The following LRRC4B variants were observed in gnomAD, a reference collection of about 807,000 sequenced individuals.
LRRC4B encodes leucine rich repeat containing 4B.
In LRRC4B, 1 loss-of-function variant was observed where a neutral mutation model predicts 7.3. The ratio of observed to expected loss-of-function variants is 0.14; its 90% CI spans 0.05 to 0.65. LRRC4B has a LOEUF of 0.65. Among genes scored for constraint, LRRC4B ranks in the 30% least tolerant of loss-of-function variants. The pLI, the probability that LRRC4B is intolerant of heterozygous loss-of-function variation, is 0.84. For missense variants in LRRC4B, 730 were observed against 1,041.6 expected (o/e 0.70, Z 4.12); for synonymous variants, 500 against 499.2 (o/e 1.00, Z -0.02).
intron 2 of LRRC4B, among the ~76,000 whole-genome samples, chr19:50,535,859 C>T (rs1382549977): frequency 1.3e-5 from 2 of 152,242 alleles, no homozygotes; most frequent in Non-Finnish European, 2.9e-5. Flanking sequence ...ACCCGCCTCC[C>T]ACCCTTCCCC....
At chr19:50,534,672 A>G (rs1301773962) in intron 2 of LRRC4B, among the ~76,000 whole-genome samples, 1 of 152,118 alleles carries the variant, frequency 6.6e-6, no homozygotes, top group African/African-American at 2.4e-5. Context: ...CTTTCCTTTT[A>G]TCCTGCAACT....
intron 2 of LRRC4B, among the ~76,000 whole-genome samples, chr19:50,526,644 A>T (rs2122797435): frequency 6.6e-6 from 1 of 152,344 alleles, no homozygotes; most frequent in Admixed American, 6.5e-5. Flanking sequence ...GGAGTTCCAG[A>T]CTAGCCTAGG....
intron 1 of LRRC4B, among the ~76,000 whole-genome samples, chr19:50,559,098 G>A (rs1399582063): frequency 6.6e-6 from 1 of 152,054 alleles, no homozygotes; most frequent in Non-Finnish European, 1.5e-5. Flanking sequence ...GGTAGGCTTT[G>A]AGATAAAAAC....
intron 2 of LRRC4B, among the ~76,000 whole-genome samples, chr19:50,543,900 G>A (rs1244476171): frequency 1.3e-5 from 2 of 151,030 alleles, no homozygotes; most frequent in Non-Finnish European, 2.9e-5. Context: ...GAAAAAGAAG[G>A]GCCTGGTTAA....
intron 2 of LRRC4B, among the ~76,000 whole-genome samples, chr19:50,530,741 G>A (rs1161467913): frequency 7.0e-6 from 1 of 143,792 alleles, no homozygotes; most frequent in Non-Finnish European, 1.5e-5. Context: ...CTCCTTTTTT[G>A]TTTTTTTTTT....
In LRRC4B at chr19:50,518,082, C is replaced by T. The variant is rs766320442; in HGVS notation, c.1631G>A (p.Arg544His). ...ASSSTTAPAP[R>H]SSRPTEKAFT... ...CGCCTTCTCCGTGGGCCGCGAGGAG[C>T]GCGGGGCGGGTGCCGTGGTAGAAGA... is the stretch of plus-strand genomic sequence containing the variant. The change falls in exon 3 of 3, where the codon CGC becomes CAC. Residue 544 changes from arginine (R) to histidine (H), a missense_variant. This residue lies in a region of LRRC4B where 192 missense variants were observed against 228.6 expected (regional missense o/e 0.84). Coordinates refer to ENST00000652263, the MANE Select transcript of LRRC4B (RefSeq NM_001080457.2). The T allele has an allele frequency of 6.9e-6, 11 of 1,595,228 alleles. No individual in the cohort carries two copies. The highest frequency in any genetic ancestry group is 7.7e-6 in the Non-Finnish European group (9 of 1,173,682).
chr19:50,531,437 C>A (rs1457621308), intron 2 of LRRC4B, among the ~76,000 whole-genome samples: 1 of 152,162 alleles, frequency 6.6e-6, no homozygotes, highest in East Asian at 1.9e-4. Flanking sequence ...AGTGACCCAG[C>A]TGCAGAGGGA....
At chr19:50,545,924 G>T (rs192946249) in intron 2 of LRRC4B, among the ~76,000 whole-genome samples, 1 of 151,884 alleles carries the variant, frequency 6.6e-6, no homozygotes, top group African/African-American at 2.4e-5. Context: ...GGGATTTGCT[G>T]TGTGGCTCAG....
chr19:50,554,542 G>A (rs1982206859), intron 1 of LRRC4B, among the ~76,000 whole-genome samples: 1 of 152,166 alleles, frequency 6.6e-6, no homozygotes. Context: ...AGGGCACCTG[G>A]CCCCAGTTGT....
At chr19:50,538,888 A>G (rs1599771689) in intron 2 of LRRC4B, among the ~76,000 whole-genome samples, 1 of 133,798 alleles carries the variant, frequency 7.5e-6, no homozygotes. Flanking sequence ...GAGCCACCGC[A>G]CGCCGCCTTT....
At chr19:50,542,543 C>G (rs777901164) in intron 2 of LRRC4B, among the ~76,000 whole-genome samples, 3 of 136,960 alleles carry the variant, frequency 2.2e-5, no homozygotes, top group Non-Finnish European at 4.5e-5. Flanking sequence ...TTGGTGTGAT[C>G]TCAGCTCACT....
intron 2 of LRRC4B, among the ~76,000 whole-genome samples, chr19:50,538,773 T>C (rs890497418): frequency 6.6e-6 from 1 of 151,854 alleles, no homozygotes; most frequent in Non-Finnish European, 1.5e-5. Context: ...CTTGCTATGT[T>C]GCCCAGGCTG....
chr19:50,545,721 CTTTTTT>C (rs532216155), intron 2 of LRRC4B, among the ~76,000 whole-genome samples: 48 of 131,944 alleles, frequency 3.6e-4, no homozygotes, highest in Admixed American at 9.8e-4. Flanking sequence ...AGAGTTATTA[CTTTTTT>C]TTTTTTTTTT....
rs142682070 is a variant in LRRC4B at position 50,542,342 on chromosome 19, G to A, written c.297+6200C>T. On this transcript the variant is annotated intron_variant, in intron 2 of 2. Coordinates refer to ENST00000652263, the MANE Select transcript of LRRC4B (RefSeq NM_001080457.2). Reference sequence around the variant, plus strand: ...GTCTTCTCCCAGGGGGCCAGGGCATGTGAGCTGCGGGGAGGCAGTCTCCTG... The same window carrying A: ...GTCTTCTCCCAGGGGGCCAGGGCATATGAGCTGCGGGGAGGCAGTCTCCTG... Among the ~76,000 whole-genome samples, 81 of 152,334 alleles carry A rather than the reference G, an allele frequency of 5.3e-4. No individual in the cohort carries two copies. The East Asian group carries it at 0.015, about 28-fold the overall frequency.
rs1980483049 is a variant in LRRC4B at position 50,519,991 on chromosome 19, T to C, written c.298-576A>G. 1.3e-5 allele frequency among the ~76,000 whole-genome samples: 2 copies of C among 150,808 alleles called. No individual in the cohort carries two copies. The highest frequency in any genetic ancestry group is 4.2e-4 in the South Asian group (2 of 4,774). On this transcript the variant is annotated intron_variant, in intron 2 of 2. Coordinates refer to ENST00000652263, the MANE Select transcript of LRRC4B (RefSeq NM_001080457.2). The surrounding 1 kb of genome is among the most constrained non-coding windows in gnomAD (Gnocchi z 8.1). ...GGGCAGATCACTTGAACCCAGGAGA[T>C]CAAGATCAGACTGGGCATCAGAACA...
intron 2 of LRRC4B, among the ~76,000 whole-genome samples, chr19:50,525,040 C>G (rs1176677866): frequency 6.6e-6 from 1 of 152,252 alleles, no homozygotes; most frequent in Non-Finnish European, 1.5e-5. Flanking sequence ...CTGCGCCCCT[C>G]CCCGTCTCGC....
chr19:50,553,894 G>T lies in LRRC4B; in HGVS notation c.-35-5021C>A, dbSNP rs1247232544. ...TCCGTTCTGCACACCGAGCCAGGCCGCACTGCAATAGCTGCACAATGCAGG... is the reference window on the plus strand; with the variant it reads ...TCCGTTCTGCACACCGAGCCAGGCCTCACTGCAATAGCTGCACAATGCAGG... On this transcript the variant is annotated intron_variant, in intron 1 of 2. Coordinates refer to ENST00000652263, the MANE Select transcript of LRRC4B (RefSeq NM_001080457.2). This position sits in a 1 kb window ranked among gnomAD's most constrained non-coding sequence, Gnocchi z 4.2. Among the ~76,000 whole-genome samples, 1 of 151,398 alleles carries T rather than the reference G, an allele frequency of 6.6e-6. No individual in the cohort carries two copies. Among genetic ancestry groups the T allele is most frequent in the Non-Finnish European group, 1.5e-5 (1 of 67,960 alleles).
chr19:50,526,208 C>T (rs1432386244), intron 2 of LRRC4B, among the ~76,000 whole-genome samples: 1 of 152,120 alleles, frequency 6.6e-6, no homozygotes, highest in African/African-American at 2.4e-5. Flanking sequence ...TGGAGCAGCT[C>T]ATCCGCCTGG....
intron 2 of LRRC4B, among the ~76,000 whole-genome samples, chr19:50,546,171 C>T (rs1044488243): frequency 4.6e-5 from 7 of 152,040 alleles, no homozygotes; most frequent in African/African-American, 1.7e-4. Context: ...CTCGTCTCTA[C>T]TAAAAATATA....
Sources: allele counts gnomAD v4.1 joint callset (sites outside exome capture counted in the v4.1 genomes callset), GRCh38; gene constraint gnomAD v4.1.1; regional missense constraint gnomAD v4.1.1; non-coding constraint Gnocchi (gnomAD v3.1); transcripts MANE v1.5; gene names NCBI Gene and HGNC (gene_info 2026-07-23, HGNC 2026-07-21).